The following NEURL1B variants were observed in gnomAD, a reference collection of about 807,000 sequenced individuals.
The protein encoded by NEURL1B is neuralized E3 ubiquitin protein ligase 1B.
NEURL1B carries 13 observed loss-of-function variants against 37.4 expected under a neutral mutation model. That is an observed-to-expected ratio of 0.35 (90% confidence interval 0.23 to 0.55). The LOEUF (loss-of-function observed/expected upper bound fraction) is 0.55. NEURL1B is among the 20% of genes least tolerant of loss of function. The pLI is 0.89. For synonymous variants in NEURL1B, 432 were observed against 426.6 expected, an observed-to-expected ratio of 1.01 and a Z score of -0.16; for missense variants, 790 against 879.2, an observed-to-expected ratio of 0.90 and a Z score of 1.28.
chr5:172,664,834 A>G (rs1031169583), intron 1 of NEURL1B, among the ~76,000 whole-genome samples: 3 of 152,194 alleles, frequency 2.0e-5, no homozygotes, highest in Admixed American at 2.0e-4. Flanking sequence ...TGGGGAGGAA[A>G]AAAATAAAGA....
intron 2 of NEURL1B, among the ~76,000 whole-genome samples, chr5:172,671,325 A>G (rs1052959006): frequency 2.0e-5 from 3 of 152,170 alleles, no homozygotes; most frequent in African/African-American, 7.2e-5. Context: ...CAGGTTTGTC[A>G]GGGAATCTGG....
chr5:172,670,438 G>C, intron 2 of NEURL1B, 108 bp downstream of exon 2: 1 of 896,360 alleles, frequency 1.1e-6, no homozygotes, highest in Non-Finnish European at 1.5e-6. Flanking sequence ...CCTTTTGCCA[G>C]GCGTGGCACT....
chr5:172,684,417 C>T (rs905244391), intron 3 of NEURL1B, among the ~76,000 whole-genome samples: 10 of 151,960 alleles, frequency 6.6e-5, no homozygotes, highest in African/African-American at 1.7e-4. Context: ...CTCTCTGGAC[C>T]ACATTTTGTA....
chr5:172,671,096 C>T (rs368060737), intron 2 of NEURL1B, among the ~76,000 whole-genome samples: 3 of 152,188 alleles, frequency 2.0e-5, no homozygotes, highest in East Asian at 1.9e-4. Context: ...AAGTGTACAA[C>T]TGAGTGGCAT....
At chr5:172,664,103 TTGTC>T (rs1453540095) in intron 1 of NEURL1B, among the ~76,000 whole-genome samples, 2 of 152,106 alleles carry the variant, frequency 1.3e-5, no homozygotes, top group Non-Finnish European at 2.9e-5. Flanking sequence ...GGACACAAAA[TTGTC>T]TGTGCACTCT....
chr5:172,678,212 G>A (rs1009982980), intron 2 of NEURL1B, among the ~76,000 whole-genome samples: 4 of 152,280 alleles, frequency 2.6e-5, no homozygotes, highest in Admixed American at 6.5e-5. Context: ...CTTAAATTGT[G>A]TAATACAATA....
chr5:172,645,946 AT>A (rs1291950891), intron 1 of NEURL1B, among the ~76,000 whole-genome samples: 1 of 152,226 alleles, frequency 6.6e-6, no homozygotes, highest in Non-Finnish European at 1.5e-5. Context: ...TGTAAAAAAA[AT>A]CTTTAATGAC....
chr5:172,663,168 CATGCCACTG>C (rs903218209), intron 1 of NEURL1B, among the ~76,000 whole-genome samples: 2 of 151,570 alleles, frequency 1.3e-5, no homozygotes, highest in Non-Finnish European at 2.9e-5. Flanking sequence ...GAGCTGTGAT[CATGCCACTG>C]TACTCAGCCT....
chr5:172,645,189 T>A (rs1757537892), intron 1 of NEURL1B, among the ~76,000 whole-genome samples: 1 of 152,158 alleles, frequency 6.6e-6, no homozygotes, highest in African/African-American at 2.4e-5. Context: ...TTAGAGGGAC[T>A]ATATTTATCC....
In NEURL1B at chr5:172,683,829, C is replaced by A. The variant is rs1231627361; in HGVS notation, c.988C>A (p.Pro330Thr). Residue 330 changes from proline (P) to threonine (T), a missense_variant, in exon 3 of 5, where the codon CCG (proline) becomes ACG (threonine). Physicochemically the swap from Pro to Thr is conservative, Grantham distance 38. This residue lies in a region of NEURL1B where 460 missense variants were observed against 407.4 expected (regional missense o/e 1.13). Transcript: ENST00000369800. This position sits in a 1 kb window ranked among gnomAD's most constrained non-coding sequence, Gnocchi z 5.6. The stretch of plus-strand genomic sequence containing the variant: ...GAGCCTCTTCGTGGAGGTGGGCCGT[C>A]CGGGGCTGGCGGCGCCCGGCGCGCT... ...GESLFVEVGR[P>T]GLAAPGALAF... 8.3e-6 allele frequency: 11 copies of A among 1,326,522 alleles called. No individual in the cohort carries two copies. The Admixed American group carries it at 3.9e-4, about 47-fold the overall frequency. 82.2% of individuals were successfully genotyped at this position (1,326,522 alleles called of 1,614,324 possible). A position where few individuals can be genotyped will look rare whatever the true frequency, so the allele number is the denominator to read the frequency against.
chr5:172,658,412 G>A (rs778978194), intron 1 of NEURL1B, among the ~76,000 whole-genome samples: 37 of 152,136 alleles, frequency 2.4e-4, no homozygotes, highest in Admixed American at 4.6e-4. Flanking sequence ...GCTTTCAGGC[G>A]TTTGGGGGAA....
chr5:172,655,906 A>G (rs1757767420), intron 1 of NEURL1B, among the ~76,000 whole-genome samples: 1 of 152,132 alleles, frequency 6.6e-6, no homozygotes, highest in African/African-American at 2.4e-5. Context: ...TGTTATATAT[A>G]AAGTTTCGGT....
rs1352542091 is a variant in NEURL1B at position 172,661,984 on chromosome 5, C to G, written c.32-7801C>G. Among the ~76,000 whole-genome samples the G allele has an allele frequency of 6.6e-6, 1 of 152,088 alleles. No homozygotes were observed. Among genetic ancestry groups the G allele is most frequent in the Non-Finnish European group, 1.5e-5 (1 of 68,018 alleles). On this transcript the variant is annotated intron_variant, in intron 1 of 4. Coordinates refer to ENST00000369800, the MANE Select transcript of NEURL1B (RefSeq NM_001142651.3). The surrounding 1 kb of genome is among the most constrained non-coding windows in gnomAD (Gnocchi z 4.0). ...AGGGTTTTCAAGAGGCCTCTGCTGG[C>G]CAAGGTTATGAGCCCTACACGGGAG...
chr5:172,660,709 C>G (rs954525641), intron 1 of NEURL1B, among the ~76,000 whole-genome samples: 1 of 152,166 alleles, frequency 6.6e-6, no homozygotes, highest in African/African-American at 2.4e-5. Context: ...GGTGCGATCT[C>G]AGCACACTGC....
At chr5:172,656,823 C>T in intron 1 of NEURL1B, 1 of 632,108 alleles carries the variant, frequency 1.6e-6, no homozygotes, top group Non-Finnish European at 2.8e-6. Flanking sequence ...CTAACAACCG[C>T]CATGTCCTCA....
At chr5:172,642,716 A>G (rs1757489095) in intron 1 of NEURL1B, among the ~76,000 whole-genome samples, 1 of 152,228 alleles carries the variant, frequency 6.6e-6, no homozygotes, top group African/African-American at 2.4e-5. Context: ...ACTGCACTCA[A>G]ACGTTCAAAT....
At chr5:172,684,273 CT>C in intron 3 of NEURL1B, 135 bp downstream of exon 3, 1 of 767,616 alleles carries the variant, frequency 1.3e-6, no homozygotes, top group Non-Finnish European at 1.7e-6. Flanking sequence ...CGGTTCCCAA[CT>C]TTAAGCGCCC....
At chr5:172,655,824 C>T (rs62386671) in intron 1 of NEURL1B, among the ~76,000 whole-genome samples, 14,474 of 151,074 alleles carry the variant, frequency 0.096, 843 homozygotes, top group East Asian at 0.28. Context: ...CACAATAGGG[C>T]GGGGTGCACC....
chr5:172,659,033 C>T (rs528072573), intron 1 of NEURL1B, among the ~76,000 whole-genome samples: 17 of 18,694 alleles, frequency 9.1e-4, no homozygotes, highest in African/African-American at 4.3e-3. Context: ...CACCCCTGCC[C>T]GCCCCCCCCC....
Sources: gnomAD v4.1 joint callset for allele counts (sites outside exome capture counted in the v4.1 genomes callset) on GRCh38, gnomAD v4.1.1 for gene constraint, gnomAD v4.1.1 regional missense constraint, Gnocchi (gnomAD v3.1) non-coding constraint, MANE v1.5 for transcripts, NCBI Gene and HGNC (gene_info 2026-07-23, HGNC 2026-07-21) for gene names.